KIF13A: variants seen among roughly 807,000 people sequenced by gnomAD.
KIF13A encodes the protein kinesin-like protein KIF13A.
A neutral mutation model predicts 212.2 loss-of-function variants in KIF13A; 79 were observed. The observed-to-expected ratio is 0.37, with a 90% confidence interval of 0.31 to 0.45. The LOEUF (loss-of-function observed/expected upper bound fraction) is 0.45, where lower values mean the gene tolerates loss of function less well. Among genes scored for constraint, KIF13A ranks in the 20% least tolerant of loss-of-function variants. The pLI is 1.00. For synonymous variants in KIF13A, 789 were observed against 808.6 expected, an observed-to-expected ratio of 0.98 and a Z score of 0.41; for missense variants, 1,901 against 2,209.0, an observed-to-expected ratio of 0.86 and a Z score of 2.79.
intron 2 of KIF13A, among the ~76,000 whole-genome samples, chr6:17,910,545 A>G (rs779536188): frequency 2.0e-5 from 3 of 152,112 alleles, no homozygotes; most frequent in Non-Finnish European, 4.4e-5. Context: ...CTGAAGTCCA[A>G]TGAAATGAAT....
In KIF13A at chr6:17,769,635, GTGT is replaced by G. The variant is rs2150289466; in HGVS notation, c.4581+1476_4581+1478del. On this transcript the variant is annotated intron_variant, in intron 38 of 38. Transcript: ENST00000259711. The surrounding 1 kb of genome is among the most constrained non-coding windows in gnomAD (Gnocchi z 5.8). Reference sequence around the variant, plus strand: ...AGGGTCATCCAGCAGTGTCTTGATGGTGTTGTACCAAAATGTATCGTTGCAATA... The same window carrying G: ...AGGGTCATCCAGCAGTGTCTTGATGGTGTACCAAAATGTATCGTTGCAATA... Among the ~76,000 whole-genome samples, 1 of 152,296 alleles carries G rather than the reference GTGT, an allele frequency of 6.6e-6. No individual in the cohort carries two copies. Among genetic ancestry groups the G allele is most frequent in the South Asian group, 2.1e-4 (1 of 4,826 alleles).
At position 17,855,328 on chromosome 6, in the gene KIF13A, G is replaced by T; in HGVS notation, c.494+109C>A. ...TTTTTCTGTAAATGAATGAAAACCA[G>T]TGTAGTCACCAAGAGCTTAAATACG... On this transcript the variant is annotated intron_variant, in intron 6 of 38. Coordinates refer to ENST00000259711, the MANE Select transcript of KIF13A (RefSeq NM_022113.6). This position sits in a 1 kb window ranked among gnomAD's most constrained non-coding sequence, Gnocchi z 4.1. The T allele has an allele frequency of 1.3e-6, 1 of 798,788 alleles. No individual in the cohort carries two copies. Among genetic ancestry groups the T allele is most frequent in the South Asian group, 1.9e-5 (1 of 52,738 alleles). The allele number at this position is 798,788 out of a possible 1,614,324, so 49.5% of individuals were successfully genotyped here.
At chr6:17,808,213 C>T (rs1488970466) in intron 18 of KIF13A, among the ~76,000 whole-genome samples, 1 of 152,178 alleles carries the variant, frequency 6.6e-6, no homozygotes, top group African/African-American at 2.4e-5. Context: ...TGGCAAAACC[C>T]TGTCTCTACT....
chr6:17,835,160 C>G (rs1218737657), intron 11 of KIF13A, among the ~76,000 whole-genome samples: 1 of 126,926 alleles, frequency 7.9e-6, no homozygotes, highest in Non-Finnish European at 1.6e-5. Context: ...CACTCCAGCC[C>G]GGGCAACAGA....
chr6:17,814,199 C>T (rs1487757737), intron 17 of KIF13A, among the ~76,000 whole-genome samples: 1 of 150,732 alleles, frequency 6.6e-6, no homozygotes, highest in African/African-American at 2.4e-5. Flanking sequence ...GATCTGCCCG[C>T]CTTGGCCTCC....
At position 17,764,559 on chromosome 6, in the gene KIF13A, T is replaced by G. The variant is rs1161765004; in HGVS notation, c.4969A>C (p.Lys1657Gln). The stretch of plus-strand genomic sequence containing the variant: ...ATTATCTTGTCCTTTACCAAGCCTT[T>G]TTCGACTTCTGTCAACTCTTTGTTT... ...SSNKELTEVEKGLVKDKIIVV... is the reference protein window; with the variant it reads ...SSNKELTEVEQGLVKDKIIVV... The change falls in exon 39 of 39, where the codon AAA (lysine) becomes CAA (glutamine). Residue 1657 changes from lysine to glutamine, a missense_variant. By Grantham distance (53) the Lys-to-Gln change is moderately conservative. This residue lies in a region of KIF13A where 687 missense variants were observed against 759.1 expected (regional missense o/e 0.90). Transcript: ENST00000259711. The surrounding 1 kb of genome is among the most constrained non-coding windows in gnomAD (Gnocchi z 5.1). 1.9e-6 allele frequency: 3 copies of G among 1,613,980 alleles called. No individual in the cohort carries two copies. The Admixed American group carries it at 5.0e-5, about 27-fold the overall frequency.
rs36073765 is a variant in KIF13A, at chr6:17,854,546, A to ATTTTTTT, written c.494+884_494+890dup. 1.7e-4 allele frequency among the ~76,000 whole-genome samples: 13 copies of ATTTTTTT among 77,118 alleles called. 1 individual carries two copies. Among genetic ancestry groups the ATTTTTTT allele is most frequent in the East Asian group, 4.6e-4 (1 of 2,158 alleles). The allele number at this position is 77,118 out of a possible 152,430, so 50.6% of individuals were successfully genotyped here. On this transcript the variant is annotated intron_variant, in intron 6 of 38. Transcript: ENST00000259711. ...TAGATACTAGTTTTAAATCAGTATAATTTTTTTTTTTTTTTTTTTTTTTTT... is the reference window on the plus strand; with the variant it reads ...TAGATACTAGTTTTAAATCAGTATAATTTTTTTTTTTTTTTTTTTTTTTTTTTTTTTT...
chr6:17,798,135 A>T lies in KIF13A; in HGVS notation c.2790+1131T>A, dbSNP rs553572176. ...CTGCTTTTTAGTCTATTTTATTTGA[A>T]GATAGACCCAGAATTTAAGAAGAAA... On this transcript the variant is annotated intron_variant, in intron 22 of 38. Transcript: ENST00000259711. Among the ~76,000 whole-genome samples the T allele has an allele frequency of 5.3e-5, 8 of 152,302 alleles. No homozygotes were observed. In the South Asian group the frequency reaches 1.7e-3, roughly 32 times the overall value.
intron 20 of KIF13A, among the ~76,000 whole-genome samples, chr6:17,800,762 A>G (rs2150333100): frequency 6.6e-6 from 1 of 151,760 alleles, no homozygotes; most frequent in African/African-American, 2.4e-5. Context: ...CACCATGCCT[A>G]GCTAATTTTT....
Position 17,951,806 on chromosome 6 carries a change from A to G in KIF13A, c.146+35248T>C, listed in dbSNP as rs984677833. ...ATATGGCATGTCACCACTTTAATCCATTTTATAAATTCCACTGTATGAATA... is the reference window on the plus strand; with the variant it reads ...ATATGGCATGTCACCACTTTAATCCGTTTTATAAATTCCACTGTATGAATA... On this transcript the variant is annotated intron_variant, in intron 2 of 38. Transcript: ENST00000259711. The surrounding 1 kb of genome is among the most constrained non-coding windows in gnomAD (Gnocchi z 4.9). Among the ~76,000 whole-genome samples, 1 of 152,218 alleles carries G rather than the reference A, an allele frequency of 6.6e-6. No homozygotes were observed. Among genetic ancestry groups the G allele is most frequent in the Non-Finnish European group, 1.5e-5 (1 of 68,044 alleles).
intron 3 of KIF13A, chr6:17,882,009 A>G (rs771988368): frequency 2.8e-5 from 13 of 456,608 alleles, no homozygotes; most frequent in Admixed American, 2.3e-4. Context: ...AAAATAAAAA[A>G]AGAAGTAAGA....
rs1366293577 is a variant in KIF13A, at chr6:17,984,842, C to A, written c.146+2212G>T. The stretch of plus-strand genomic sequence containing the variant: ...TCAGTATTCTACTCTTCACCTTTGC[C>A]CTGCCCTGAGCACTATCTAAAAACC... On this transcript the variant is annotated intron_variant, in intron 2 of 38. Coordinates refer to ENST00000259711, the MANE Select transcript of KIF13A (RefSeq NM_022113.6). This position sits in a 1 kb window ranked among gnomAD's most constrained non-coding sequence, Gnocchi z 5.0. Among the ~76,000 whole-genome samples the A allele has an allele frequency of 6.6e-6, 1 of 152,088 alleles. No homozygotes were observed. The highest frequency in any genetic ancestry group is 1.9e-4 in the East Asian group (1 of 5,200).
At chr6:17,976,020 T>A (rs1780404698) in intron 2 of KIF13A, among the ~76,000 whole-genome samples, 2 of 152,186 alleles carry the variant, frequency 1.3e-5, no homozygotes, top group African/African-American at 4.8e-5. Flanking sequence ...GATTGGTATG[T>A]TTACAAACCT....
intron 9 of KIF13A, among the ~76,000 whole-genome samples, chr6:17,847,096 G>T (rs147375812): frequency 1.6e-4 from 24 of 152,178 alleles, no homozygotes; most frequent in African/African-American, 4.3e-4. Flanking sequence ...AAAGTTAGTG[G>T]TCATTCCACA....
intron 7 of KIF13A, among the ~76,000 whole-genome samples, chr6:17,851,606 G>C (rs572867006): frequency 6.6e-6 from 1 of 152,230 alleles, no homozygotes; most frequent in Non-Finnish European, 1.5e-5. Flanking sequence ...CTGCCAAAAA[G>C]AAAGGGCTGT....
intron 2 of KIF13A, among the ~76,000 whole-genome samples, chr6:17,931,540 T>G (rs926703114): frequency 2.6e-5 from 4 of 152,180 alleles, no homozygotes; most frequent in African/African-American, 9.7e-5. Flanking sequence ...CTTGATGCTT[T>G]GTTCTTATTT....
At chr6:17,921,917 T>A (rs1276179509) in intron 2 of KIF13A, among the ~76,000 whole-genome samples, 2 of 152,196 alleles carry the variant, frequency 1.3e-5, no homozygotes, top group African/African-American at 4.8e-5. Flanking sequence ...ATCTGCAGAG[T>A]TTACTTATAG....
In KIF13A at chr6:17,785,988, T is replaced by C. The variant is rs559131581; in HGVS notation, c.3362-347A>G. Among the ~76,000 whole-genome samples, 3 of 152,318 alleles carry C rather than the reference T, an allele frequency of 2.0e-5. No individual in the cohort carries two copies. The highest frequency in any genetic ancestry group is 7.2e-5 in the African/African-American group (3 of 41,576). ...ATCTATAAGTGGTTTAACCATCCAC[T>C]ATGTCCCTAAAATGGATTTGAGTCT... On this transcript the variant is annotated intron_variant, in intron 27 of 38. Transcript: ENST00000259711. This position sits in a 1 kb window ranked among gnomAD's most constrained non-coding sequence, Gnocchi z 5.8.
intron 2 of KIF13A, among the ~76,000 whole-genome samples, chr6:17,928,251 C>T (rs894519418): frequency 3.3e-5 from 5 of 152,132 alleles, no homozygotes; most frequent in African/African-American, 1.2e-4. Context: ...TTCTCTATAG[C>T]GTAGGTGTTT....
Sources: gnomAD v4.1 joint callset for allele counts (sites outside exome capture counted in the v4.1 genomes callset) on GRCh38, gnomAD v4.1.1 for gene constraint, gnomAD v4.1.1 regional missense constraint, Gnocchi (gnomAD v3.1) non-coding constraint, MANE v1.5 for transcripts, NCBI Gene and HGNC (gene_info 2026-07-23, HGNC 2026-07-21) for gene names.